The following NCAPG2 variants were observed in gnomAD, a reference collection of about 807,000 sequenced individuals.
The protein encoded by NCAPG2 is non-SMC condensin II complex subunit G2.
In NCAPG2, 53 loss-of-function variants were observed where a neutral mutation model predicts 141.1. The ratio of observed to expected loss-of-function variants is 0.38; its 90% CI spans 0.30 to 0.47. NCAPG2 has a LOEUF of 0.47. Among genes scored for constraint, NCAPG2 ranks in the 20% least tolerant of loss-of-function variants. The pLI, the probability that NCAPG2 is intolerant of heterozygous loss-of-function variation, is 0.99. For synonymous variants in NCAPG2, 499 were observed against 490.7 expected, an observed-to-expected ratio of 1.02 and a Z score of -0.22; for missense variants, 1,087 against 1,389.0, an observed-to-expected ratio of 0.78 and a Z score of 3.46.
At chr7:158,700,916 G>A (rs1263676554) in intron 2 of NCAPG2, among the ~76,000 whole-genome samples, 1 of 152,198 alleles carries the variant, frequency 6.6e-6, no homozygotes, top group Non-Finnish European at 1.5e-5. Context: ...AAACTCTACA[G>A]AGATAACTGC....
chr7:158,653,017 T>C (rs1188651035), intron 22 of NCAPG2, among the ~76,000 whole-genome samples: 2 of 152,248 alleles, frequency 1.3e-5, no homozygotes, highest in African/African-American at 4.8e-5. Flanking sequence ...TAATTTTGAC[T>C]GTTGCAATCA....
At chr7:158,632,350 T>C (rs977947975) in intron 27 of NCAPG2, among the ~76,000 whole-genome samples, 2 of 152,176 alleles carry the variant, frequency 1.3e-5, no homozygotes, top group African/African-American at 4.8e-5. Flanking sequence ...ATTAGACAGG[T>C]AGCATATCAC....
intron 14 of NCAPG2, 61 bp from the exon 15 acceptor site, chr7:158,664,357 T>G: frequency 6.5e-7 from 1 of 1,538,594 alleles, no homozygotes; most frequent in Non-Finnish European, 9.0e-7. Context: ...ATTAACTATC[T>G]GATAGTGAAA....
chr7:158,645,440 G>T, intron 26 of NCAPG2, 79 bp downstream of exon 26: 1 of 1,286,942 alleles, frequency 7.8e-7, no homozygotes, highest in Non-Finnish European at 1.1e-6. Flanking sequence ...AAGTGCAGGG[G>T]CTGATCCCCG....
At chr7:158,681,247 C>A (rs1834437797) in intron 9 of NCAPG2, among the ~76,000 whole-genome samples, 2 of 152,322 alleles carry the variant, frequency 1.3e-5, no homozygotes, top group East Asian at 3.9e-4. Flanking sequence ...GTAACTGTTT[C>A]ATAACTTTGT....
intron 13 of NCAPG2, among the ~76,000 whole-genome samples, chr7:158,668,877 G>A (rs375814839): frequency 1.3e-5 from 2 of 152,022 alleles, no homozygotes; most frequent in African/African-American, 4.8e-5. Context: ...TAGGTATCAA[G>A]CCCAGCATCC....
In NCAPG2 at chr7:158,675,521, C is replaced by T; in HGVS notation, c.1282G>A (p.Ala428Thr). 3 of 1,612,382 alleles carry T rather than the reference C, an allele frequency of 1.9e-6. No homozygotes were observed. Among genetic ancestry groups the T allele is most frequent in the Non-Finnish European group, 2.5e-6 (3 of 1,179,706 alleles). ...ACATCAGCTGAGCTCGTGTCAAATG[C>T]CAGTTCCCCAGTCACCTTCTTCAGG... ...DLLKKVTGEL[A>T]FDTSSADVRC... The change falls in exon 12 of 28, where the codon GCA (alanine) becomes ACA (threonine). Residue 428 changes from alanine (A) to threonine (T), a missense_variant. Coordinates refer to ENST00000356309, the MANE Select transcript of NCAPG2 (RefSeq NM_017760.7).
intron 9 of NCAPG2, among the ~76,000 whole-genome samples, chr7:158,682,836 G>T (rs945396317): frequency 3.3e-5 from 5 of 152,162 alleles, no homozygotes; most frequent in African/African-American, 9.6e-5. Flanking sequence ...TAATATAAAG[G>T]TAAAGTTCAT....
At chr7:158,659,167 T>C (rs1297697946) in intron 16 of NCAPG2, among the ~76,000 whole-genome samples, 1 of 151,238 alleles carries the variant, frequency 6.6e-6, no homozygotes, top group African/African-American at 2.4e-5. Flanking sequence ...CTGTTCCTAC[T>C]GAAAATTCAA....
chr7:158,704,325 A>AC (rs1157496545), intron 1 of NCAPG2, among the ~76,000 whole-genome samples: 2 of 132,348 alleles, frequency 1.5e-5, no homozygotes, highest in Non-Finnish European at 3.1e-5. Flanking sequence ...GACTGAGGGG[A>AC]CACTCTCTGA....
chr7:158,660,427 TTTA>T lies in NCAPG2; in HGVS notation c.1989+1764_1989+1766del, dbSNP rs1416246838. On this transcript the variant is annotated intron_variant, in intron 16 of 27. Transcript: ENST00000356309. ...TTTTTTTTTTTTTTTTTTTTTTTTTTTTAAAAGAGGCAGGGTCTCACTCTGTTG... is the reference window on the plus strand; with the variant it reads ...TTTTTTTTTTTTTTTTTTTTTTTTTTAAAGAGGCAGGGTCTCACTCTGTTG... Among the ~76,000 whole-genome samples, 60 of 94,546 alleles carry T rather than the reference TTTA, an allele frequency of 6.3e-4. 1 individual carries two copies. Among genetic ancestry groups the T allele is most frequent in the South Asian group, 2.2e-3 (6 of 2,724 alleles). The allele number at this position is 94,546 out of a possible 152,430, so 62.0% of individuals were successfully genotyped here. A position where few individuals can be genotyped will look rare whatever the true frequency, so the allele number is the denominator to read the frequency against.
chr7:158,673,556 C>T (rs1833876686), intron 12 of NCAPG2, among the ~76,000 whole-genome samples: 1 of 152,250 alleles, frequency 6.6e-6, no homozygotes, highest in Non-Finnish European at 1.5e-5. Flanking sequence ...TGTGTCACGG[C>T]TTAATGTCCC....
chr7:158,687,625 A>G (rs1470284677), intron 6 of NCAPG2, among the ~76,000 whole-genome samples, 183 bp from the exon 7 acceptor site: 1 of 152,220 alleles, frequency 6.6e-6, no homozygotes, highest in African/African-American at 2.4e-5. Flanking sequence ...GCCAGGAGCC[A>G]CACAAGCCAC....
chr7:158,654,583 C>T lies in NCAPG2; in HGVS notation c.2746+12G>A. 1 of 1,612,536 alleles carries T rather than the reference C, an allele frequency of 6.2e-7. No individual in the cohort carries two copies. Among genetic ancestry groups the T allele is most frequent in the Non-Finnish European group, 8.5e-7 (1 of 1,179,120 alleles). ...CTGAGTATTTATTGCTCTAAAACAG[C>T]CCTGACTGTACCTGTTTGCATGATT... On this transcript the variant is annotated intron_variant, in intron 22 of 27. Coordinates refer to ENST00000356309, the MANE Select transcript of NCAPG2 (RefSeq NM_017760.7).
intron 27 of NCAPG2, among the ~76,000 whole-genome samples, chr7:158,635,888 CAAT>C (rs1469290053): frequency 2.6e-5 from 4 of 152,176 alleles, no homozygotes; most frequent in Non-Finnish European, 4.4e-5. Context: ...AACGTTAAAT[CAAT>C]AATATTTTAA....
intron 6 of NCAPG2, 50 bp downstream of exon 6, chr7:158,689,769 T>C: frequency 2.7e-6 from 4 of 1,464,148 alleles, no homozygotes; most frequent in South Asian, 1.4e-5. Flanking sequence ...AGGAGAAACA[T>C]CTATTAAGAA....
chr7:158,675,730 G>A, intron 11 of NCAPG2, 74 bp from the exon 12 acceptor site: 1 of 1,466,760 alleles, frequency 6.8e-7, no homozygotes, highest in African/African-American at 1.4e-5. Flanking sequence ...TCACACGTGA[G>A]CACTTCAGGG....
At chr7:158,662,464 G>T in intron 15 of NCAPG2, 97 bp from the exon 16 acceptor site, 1 of 1,086,388 alleles carries the variant, frequency 9.2e-7, no homozygotes, top group South Asian at 1.9e-5. Flanking sequence ...CAAAAATGTA[G>T]AGAACATCCG....
chr7:158,666,821 TCTC>T (rs1832985837), intron 13 of NCAPG2, among the ~76,000 whole-genome samples: 1 of 152,030 alleles, frequency 6.6e-6, no homozygotes, highest in African/African-American at 2.4e-5. Flanking sequence ...AGGGTTGACA[TCTC>T]CTGGCCCACT....
Sources: allele counts gnomAD v4.1 joint callset (sites outside exome capture counted in the v4.1 genomes callset), GRCh38; gene constraint gnomAD v4.1.1; transcripts MANE v1.5; gene names NCBI Gene and HGNC (gene_info 2026-07-23, HGNC 2026-07-21).